The following MIPOL1 variants were observed in gnomAD, a reference collection of about 807,000 sequenced individuals.
MIPOL1 encodes mirror-image polydactyly gene 1 protein.
MIPOL1 carries 57 observed loss-of-function variants against 60.9 expected under a neutral mutation model. The observed-to-expected ratio is 0.94, with a 90% CI of 0.76 to 1.17. The LOEUF is 1.17. Ranked by LOEUF, MIPOL1 falls within the 50% of genes most tolerant of loss-of-function variation. MIPOL1 has a pLI of 0.00. For missense variants in MIPOL1, 551 were observed against 511.6 expected, an observed-to-expected ratio of 1.08 and a Z score of -0.74; for synonymous variants, 179 against 168.8, an observed-to-expected ratio of 1.06 and a Z score of -0.47.
chr14:37,280,337 G>A (rs1955941), intron 6 of MIPOL1, among the ~76,000 whole-genome samples: 150,518 of 152,320 alleles, frequency 0.99, 74,392 homozygotes, highest in Middle Eastern at 1. Flanking sequence ...TACATACCTG[G>A]AAGTGGAACT....
intron 9 of MIPOL1, among the ~76,000 whole-genome samples, chr14:37,313,494 G>A (rs557315644): frequency 6.6e-6 from 1 of 152,070 alleles, no homozygotes; most frequent in Non-Finnish European, 1.5e-5. Context: ...GACCCTTGCT[G>A]GTACCTAAGT....
chr14:37,359,226 G>A (rs2092064697), intron 9 of MIPOL1, among the ~76,000 whole-genome samples: 1 of 152,092 alleles, frequency 6.6e-6, no homozygotes, highest in Non-Finnish European at 1.5e-5. Flanking sequence ...GTGCTGTTTT[G>A]GTTACTGTAG....
chr14:37,262,095 G>T (rs1402624741), intron 3 of MIPOL1, among the ~76,000 whole-genome samples: 3 of 151,924 alleles, frequency 2.0e-5, no homozygotes, highest in Admixed American at 2.0e-4. Flanking sequence ...TTGTAGGGGA[G>T]CACATATAAT....
intron 7 of MIPOL1, among the ~76,000 whole-genome samples, chr14:37,298,361 T>C (rs2085983903): frequency 2.6e-5 from 4 of 152,156 alleles, no homozygotes. Context: ...CAAGAAAACC[T>C]AGGCAATACC....
intron 9 of MIPOL1, among the ~76,000 whole-genome samples, chr14:37,359,728 C>A (rs531259800): frequency 6.6e-6 from 1 of 152,286 alleles, no homozygotes; most frequent in East Asian, 1.9e-4. Flanking sequence ...AGATTTTGGA[C>A]TGAGACGATG....
chr14:37,236,840 C>G (rs978554786), intron 1 of MIPOL1, among the ~76,000 whole-genome samples: 1 of 152,100 alleles, frequency 6.6e-6, no homozygotes, highest in African/African-American at 2.4e-5. Flanking sequence ...TTCTTGAATG[C>G]CAAGGCCTCT....
chr14:37,410,942 G>A (rs2093671753), intron 10 of MIPOL1, among the ~76,000 whole-genome samples: 1 of 151,946 alleles, frequency 6.6e-6, no homozygotes, highest in Non-Finnish European at 1.5e-5. Context: ...AAAGTAGAAA[G>A]CATACAACAA....
chr14:37,426,641 T>TA (rs2093973143), intron 11 of MIPOL1, among the ~76,000 whole-genome samples: 1 of 142,772 alleles, frequency 7.0e-6, no homozygotes, highest in Non-Finnish European at 1.5e-5. Context: ...TATATATATA[T>TA]TATATATGTG....
intron 11 of MIPOL1, among the ~76,000 whole-genome samples, chr14:37,498,797 C>T (rs935744736): frequency 3.9e-4 from 60 of 151,926 alleles, no homozygotes; most frequent in African/African-American, 1.3e-3. Flanking sequence ...TTCTATGGGA[C>T]GCCTTCTCCA....
rs114251188 is a variant in MIPOL1, at chr14:37,235,676, G to A, written c.-198-11427G>A. ...TTCACAATGTTGTAGAAACGTTACT[G>A]TTAGTAACTTCCAGAACTTTTCATC... On this transcript the variant is annotated intron_variant, in intron 1 of 12. Transcript: ENST00000684589. 5.0e-3 allele frequency among the ~76,000 whole-genome samples: 762 copies of A among 152,190 alleles called. 5 individuals carry two copies. The highest frequency in any genetic ancestry group is 0.017 in the African/African-American group (719 of 41,538).
chr14:37,279,056 A>G (rs1301111943), intron 6 of MIPOL1, among the ~76,000 whole-genome samples: 3 of 151,386 alleles, frequency 2.0e-5, no homozygotes, highest in Non-Finnish European at 4.4e-5. Context: ...TATTGTAAAC[A>G]CCCAATGATT....
chr14:37,235,667 A>T (rs1267268034), intron 1 of MIPOL1, among the ~76,000 whole-genome samples: 1 of 152,110 alleles, frequency 6.6e-6, no homozygotes. Flanking sequence ...ATGTTGTAGA[A>T]ACGTTACTGT....
chr14:37,494,930 A>G (rs979795319), intron 11 of MIPOL1, among the ~76,000 whole-genome samples: 2 of 152,082 alleles, frequency 1.3e-5, no homozygotes, highest in Non-Finnish European at 2.9e-5. Context: ...ACTTGCGGGT[A>G]CAATCCAAAC....
chr14:37,547,194 T>C lies in MIPOL1; in HGVS notation c.*223T>C. 2.0e-6 allele frequency: 1 copy of C among 495,348 alleles called. No individual in the cohort carries two copies. The highest frequency in any genetic ancestry group is 3.6e-6 in the Non-Finnish European group (1 of 279,542). The allele number at this position is 495,348 out of a possible 1,614,324, so 30.7% of individuals were successfully genotyped here. On this transcript the variant is annotated 3_prime_UTR_variant, in exon 13 of 13. Coordinates refer to ENST00000684589, the MANE Select transcript of MIPOL1 (RefSeq NM_001388067.1). The stretch of plus-strand genomic sequence containing the variant: ...TATATTAACTATAGACTTTTACCAA[T>C]GGGTAGCTATAAGGTTACAGCTTAT...
At chr14:37,537,316 A>C (rs1040492093) in intron 12 of MIPOL1, among the ~76,000 whole-genome samples, 1 of 152,144 alleles carries the variant, frequency 6.6e-6, no homozygotes, top group Non-Finnish European at 1.5e-5. Context: ...TTTTAACACT[A>C]TCCTTTGTCA....
At chr14:37,272,676 T>C (rs2083380269) in intron 6 of MIPOL1, among the ~76,000 whole-genome samples, 1 of 151,646 alleles carries the variant, frequency 6.6e-6, no homozygotes, top group African/African-American at 2.4e-5. Flanking sequence ...TTTCTTGTAA[T>C]GTGAAAGAAC....
chr14:37,413,143 T>C (rs1469016272), intron 10 of MIPOL1, among the ~76,000 whole-genome samples: 1 of 152,110 alleles, frequency 6.6e-6, no homozygotes, highest in Non-Finnish European at 1.5e-5. Flanking sequence ...AATACACATC[T>C]TTATTTGTAC....
At chr14:37,372,754 C>CA (rs34884132) in intron 10 of MIPOL1, among the ~76,000 whole-genome samples, 82,188 of 131,700 alleles carry the variant, frequency 0.62, 25,558 homozygotes, top group East Asian at 0.72. Context: ...GACTCCGTCT[C>CA]AAAAAAAAAA....
intron 10 of MIPOL1, among the ~76,000 whole-genome samples, chr14:37,392,643 T>C (rs1481675255): frequency 6.6e-6 from 1 of 152,146 alleles, no homozygotes; most frequent in Admixed American, 6.6e-5. Context: ...TTAAGTACAT[T>C]GTTAGCTGTG....
Sources: gnomAD v4.1 joint callset for allele counts (sites outside exome capture counted in the v4.1 genomes callset) on GRCh38, gnomAD v4.1.1 for gene constraint, MANE v1.5 for transcripts, NCBI Gene and HGNC (gene_info 2026-07-23, HGNC 2026-07-21) for gene names.